Variants in CSE1L observed in about 807,000 individuals in gnomAD.
CSE1L encodes chromosome segregation 1 like.
CSE1L carries 24 observed loss-of-function variants against 120.4 expected under a neutral mutation model. The ratio of observed to expected loss-of-function variants is 0.20; its 90% CI spans 0.14 to 0.28. CSE1L has a LOEUF of 0.28. Among genes scored for constraint, CSE1L ranks in the 10% least tolerant of loss-of-function variants. The probability of loss-of-function intolerance (pLI) is 1.00; values close to 1 mark genes in which losing one functional copy is unlikely to be tolerated. For synonymous variants in CSE1L, 402 were observed against 398.3 expected (o/e 1.01, Z -0.11); for missense variants, 830 against 1,145.2 (o/e 0.72, Z 3.97).
chr20:49,056,844 ATGCTGTGTGTGTGTGTG>A (rs1447537030), intron 1 of CSE1L, among the ~76,000 whole-genome samples: 11 of 139,404 alleles, frequency 7.9e-5, no homozygotes, highest in African/African-American at 2.9e-4. Context: ...ATTACTTCAC[ATGCTGTGTGTGTGTGTG>A]TGTGTGTGTG....
intron 1 of CSE1L, among the ~76,000 whole-genome samples, chr20:49,048,815 A>C (rs918875354): frequency 3.3e-5 from 5 of 152,168 alleles, no homozygotes; most frequent in African/African-American, 1.2e-4. Flanking sequence ...TATGTTCTTC[A>C]TGTGTGGGTG....
In CSE1L at chr20:49,094,769, T is replaced by C. The variant is rs759238843; in HGVS notation, c.2632T>C (p.Leu878=). Residue 878 remains leucine, a synonymous_variant, in exon 24 of 25, where the codon TTA becomes CTA. Coordinates refer to ENST00000262982, the MANE Select transcript of CSE1L (RefSeq NM_001316.4). ...LLQSLIGLFE[L]PEDDTIPDEE... is the part of the protein sequence containing the mutation. ...ACAGTCTTTGATTGGTCTTTTTGAG[T>C]TACCCGAAGATGATACCATTCCTGA... The C allele has an allele frequency of 6.2e-7, 1 of 1,614,016 alleles. No individual in the cohort carries two copies. The highest frequency in any genetic ancestry group is 1.1e-5 in the South Asian group (1 of 91,078).
At chr20:49,078,531 G>GTT (rs756173004) in intron 13 of CSE1L, 30 bp from the exon 14 acceptor site, 1 of 1,485,692 alleles carries the variant, frequency 6.7e-7, no homozygotes, top group South Asian at 1.2e-5. Context: ...TACCACTTAA[G>GTT]TAACTGTGGC....
chr20:49,095,723 C>A (rs763390603), intron 24 of CSE1L, among the ~76,000 whole-genome samples: 1 of 151,982 alleles, frequency 6.6e-6, no homozygotes, highest in Non-Finnish European at 1.5e-5. Flanking sequence ...TTACATGTTA[C>A]CTGATAAAAT....
intron 8 of CSE1L, among the ~76,000 whole-genome samples, chr20:49,070,610 TA>T (rs1211233723): frequency 5.3e-5 from 8 of 152,188 alleles, no homozygotes; most frequent in African/African-American, 1.9e-4. Flanking sequence ...TAAGAAAACT[TA>T]AAACTCTATA....
chr20:49,066,107 A>T, intron 3 of CSE1L, 85 bp from the exon 4 acceptor site: 1 of 1,151,036 alleles, frequency 8.7e-7, no homozygotes, highest in Non-Finnish European at 1.2e-6. Flanking sequence ...ATTAGTAAAT[A>T]AAAAAACAGT....
chr20:49,088,133 G>C (rs1453807959), intron 17 of CSE1L, 27 bp downstream of exon 17: 1 of 1,503,848 alleles, frequency 6.6e-7, no homozygotes, highest in African/African-American at 1.4e-5. Flanking sequence ...TGAAAGTGGG[G>C]TTCCTTTTTT....
chr20:49,094,535 G>T (rs2092125440), intron 23 of CSE1L, among the ~76,000 whole-genome samples, 197 bp from the exon 24 acceptor site: 1 of 152,104 alleles, frequency 6.6e-6, no homozygotes, highest in Non-Finnish European at 1.5e-5. Flanking sequence ...ACAATTTTAT[G>T]ACAGAAGCCC....
At chr20:49,078,934 C>T (rs2091989417) in intron 14 of CSE1L, among the ~76,000 whole-genome samples, 1 of 152,216 alleles carries the variant, frequency 6.6e-6, no homozygotes, top group African/African-American at 2.4e-5. Flanking sequence ...TTCTGTCACC[C>T]AAGCTGGAGT....
At chr20:49,056,771 TGTG>T (rs2091810851) in intron 1 of CSE1L, among the ~76,000 whole-genome samples, 1 of 152,106 alleles carries the variant, frequency 6.6e-6, no homozygotes, top group Non-Finnish European at 1.5e-5. Flanking sequence ...TGTATATATT[TGTG>T]GTATGCATGT....
intron 14 of CSE1L, among the ~76,000 whole-genome samples, chr20:49,082,677 C>T (rs1239294935): frequency 1.3e-5 from 2 of 151,944 alleles, no homozygotes; most frequent in Non-Finnish European, 2.9e-5. Flanking sequence ...CGCCACCATG[C>T]CCGGCTAATT....
At position 49,046,396 on chromosome 20, in the gene CSE1L, C is replaced by T. The variant is rs1226788678; in HGVS notation, c.-39C>T. The T allele has an allele frequency of 1.3e-5, 2 of 152,388 alleles. No individual in the cohort carries two copies. Among genetic ancestry groups the T allele is most frequent in the Admixed American group, 6.5e-5 (1 of 15,288 alleles). The allele number at this position is 152,388 out of a possible 1,614,324, so 9.4% of individuals were successfully genotyped here. The stretch of plus-strand genomic sequence containing the variant: ...CCAGCTACGGTCCGCGGCTGGGGTT[C>T]CCTCCTCCGTTTCTGTATCCCCACG... On this transcript the variant is annotated 5_prime_UTR_variant, in exon 1 of 25. Coordinates refer to ENST00000262982, the MANE Select transcript of CSE1L (RefSeq NM_001316.4).
At chr20:49,049,034 A>T (rs901261168) in intron 1 of CSE1L, among the ~76,000 whole-genome samples, 4 of 152,334 alleles carry the variant, frequency 2.6e-5, no homozygotes, top group Non-Finnish European at 5.9e-5. Flanking sequence ...GGAAGATGCT[A>T]GACTTAGGTC....
At chr20:49,077,957 T>C (rs1192827208) in intron 13 of CSE1L, among the ~76,000 whole-genome samples, 1 of 152,078 alleles carries the variant, frequency 6.6e-6, no homozygotes, top group Non-Finnish European at 1.5e-5. Flanking sequence ...TGAGCCGAGA[T>C]CGTGCCACTG....
chr20:49,070,814 T>C (rs1422805216), intron 8 of CSE1L, among the ~76,000 whole-genome samples: 2 of 152,142 alleles, frequency 1.3e-5, no homozygotes, highest in African/African-American at 2.4e-5. Flanking sequence ...CTCATGCTAA[T>C]GGTCACAGCT....
At chr20:49,070,125 G>A (rs1447456145) in intron 7 of CSE1L, 80 bp from the exon 8 acceptor site, 9 of 664,384 alleles carry the variant, frequency 1.4e-5, no homozygotes, top group Non-Finnish European at 2.4e-5. Context: ...AAAATGTTTT[G>A]TCCACGTGGT....
intron 1 of CSE1L, among the ~76,000 whole-genome samples, chr20:49,049,053 C>A (rs1042599012): frequency 5.3e-5 from 8 of 152,188 alleles, no homozygotes; most frequent in Admixed American, 4.6e-4. Context: ...TCTGGCCATT[C>A]ATTCAACAAG....
intron 17 of CSE1L, 21 bp downstream of exon 17, chr20:49,088,127 A>G: frequency 6.5e-7 from 1 of 1,527,194 alleles, no homozygotes; most frequent in Non-Finnish European, 9.0e-7. Flanking sequence ...CAATTTTGAA[A>G]GTGGGGTTCC....
At chr20:49,047,314 A>G (rs1372857871) in intron 1 of CSE1L, among the ~76,000 whole-genome samples, 1 of 152,012 alleles carries the variant, frequency 6.6e-6, no homozygotes, top group African/African-American at 2.4e-5. Flanking sequence ...GTGGTTTACA[A>G]AGGTTCCCTG....
Sources: allele counts gnomAD v4.1 joint callset (sites outside exome capture counted in the v4.1 genomes callset), GRCh38; gene constraint gnomAD v4.1.1; transcripts MANE v1.5; gene names NCBI Gene and HGNC (gene_info 2026-07-23, HGNC 2026-07-21).